Variants in TXNDC11 observed in about 807,000 individuals in gnomAD.
TXNDC11 encodes the protein thioredoxin domain-containing protein 11.
TXNDC11 carries 68 observed loss-of-function variants against 78.0 expected under a neutral mutation model. That is an observed-to-expected ratio of 0.87 (90% CI 0.72 to 1.07). The LOEUF (loss-of-function observed/expected upper bound fraction) is 1.07, where lower values mean the gene tolerates loss of function less well. Ranked by LOEUF, TXNDC11 falls within the 50% of genes least tolerant of loss-of-function variation. The pLI, the probability that TXNDC11 is intolerant of heterozygous loss-of-function variation, is 0.00. For synonymous variants in TXNDC11, 571 were observed against 495.2 expected (o/e 1.15, Z -2.03); for missense variants, 1,389 against 1,221.8 (o/e 1.14, Z -2.04).
rs571539355 is a variant in TXNDC11, at chr16:11,733,471, G to A, written c.569+511C>T. 1.1e-3 allele frequency among the ~76,000 whole-genome samples: 173 copies of A among 151,816 alleles called. 1 individual carries two copies. The highest frequency in any genetic ancestry group is 4.0e-3 in the African/African-American group (167 of 41,392). On this transcript the variant is annotated intron_variant, in intron 3 of 11. Transcript: ENST00000283033. The stretch of plus-strand genomic sequence containing the variant: ...GAATCCGGGAGGCCGAGCTTGCAGT[G>A]AGCGGAGATCGCGCCACTGCACTCC...
chr16:11,703,686 G>T (rs2051098526), intron 5 of TXNDC11: 1 of 702,584 alleles, frequency 1.4e-6, no homozygotes, highest in South Asian at 1.5e-5. Context: ...CGTAGATCTT[G>T]GTTTCTAAAT....
intron 10 of TXNDC11, among the ~76,000 whole-genome samples, chr16:11,685,002 C>A (rs750603728): frequency 7.9e-5 from 12 of 152,216 alleles, no homozygotes; most frequent in Non-Finnish European, 1.6e-4. Context: ...GAAAGCATAA[C>A]TGGGGGGAGT....
At chr16:11,701,563 T>C (rs189591123) in intron 5 of TXNDC11, among the ~76,000 whole-genome samples, 5 of 152,206 alleles carry the variant, frequency 3.3e-5, no homozygotes, top group Admixed American at 6.5e-5. Flanking sequence ...AATGAACAAA[T>C]CTAGCATATA....
intron 6 of TXNDC11, 101 bp from the exon 7 acceptor site, chr16:11,698,426 A>C: frequency 9.6e-7 from 1 of 1,036,526 alleles, no homozygotes; most frequent in Non-Finnish European, 1.5e-6. Flanking sequence ...AGGGTGAGAA[A>C]ACCCAGGCGT....
intron 5 of TXNDC11, among the ~76,000 whole-genome samples, chr16:11,717,924 C>T (rs1380041905): frequency 6.6e-6 from 1 of 151,436 alleles, no homozygotes; most frequent in Non-Finnish European, 1.5e-5. Flanking sequence ...GACAGATCAG[C>T]ACTGAGGCCG....
chr16:11,737,987 A>G (rs541734889), intron 1 of TXNDC11, among the ~76,000 whole-genome samples: 2 of 152,350 alleles, frequency 1.3e-5, no homozygotes, highest in African/African-American at 4.8e-5. Flanking sequence ...TAAAGGCATA[A>G]GGATGGGAAA....
Position 11,688,284 on chromosome 16 carries a change from G to A in TXNDC11, c.2043+19C>T. 1 of 1,606,486 alleles carries A rather than the reference G, an allele frequency of 6.2e-7. No homozygotes were observed. Among genetic ancestry groups the A allele is most frequent in the Non-Finnish European group, 8.5e-7 (1 of 1,176,850 alleles). On this transcript the variant is annotated intron_variant, in intron 9 of 11. Transcript: ENST00000283033. ...AAGAGGGACAGATGGCTTAACTTTT[G>A]CCTCTCATGACTCCATACCTGTTTT...
chr16:11,685,304 T>C (rs28469520), intron 10 of TXNDC11, among the ~76,000 whole-genome samples: 4,498 of 152,070 alleles, frequency 0.03, 222 homozygotes, highest in African/African-American at 0.1. Flanking sequence ...TGAGCTGTGA[T>C]TGCACCACTG....
At chr16:11,742,405 C>T in intron 1 of TXNDC11, 72 bp downstream of exon 1, 1 of 1,223,674 alleles carries the variant, frequency 8.2e-7, no homozygotes, top group Non-Finnish European at 1.1e-6. Context: ...CGCTGCGACC[C>T]GGCCCTGCAG....
chr16:11,736,300 T>G, intron 1 of TXNDC11, 67 bp from the exon 2 acceptor site: 1 of 1,287,682 alleles, frequency 7.8e-7, no homozygotes, highest in Non-Finnish European at 1.1e-6. Flanking sequence ...TCTGTGGAAG[T>G]AGAATGAAGC....
intron 1 of TXNDC11, among the ~76,000 whole-genome samples, chr16:11,740,144 GATA>G (rs1200521331): frequency 1.5e-4 from 17 of 112,552 alleles, no homozygotes; most frequent in African/African-American, 5.8e-4. Context: ...AGTGAGCCAA[GATA>G]AAAAAAAAAA....
intron 1 of TXNDC11, among the ~76,000 whole-genome samples, chr16:11,736,859 T>G (rs927156995): frequency 2.0e-5 from 3 of 152,100 alleles, no homozygotes; most frequent in Non-Finnish European, 4.4e-5. Context: ...TTTTGAACAC[T>G]TGAGCTTCCC....
intron 5 of TXNDC11, among the ~76,000 whole-genome samples, chr16:11,714,508 C>T (rs1397474868): frequency 6.6e-6 from 1 of 152,040 alleles, no homozygotes; most frequent in African/African-American, 2.4e-5. Context: ...GGCGTGGTGG[C>T]GGGCGCCTGT....
intron 3 of TXNDC11, among the ~76,000 whole-genome samples, chr16:11,733,631 T>C (rs1261837603): frequency 6.6e-6 from 1 of 152,256 alleles, no homozygotes; most frequent in Non-Finnish European, 1.5e-5. Context: ...TGCCTCCAGA[T>C]GAAACGATAA....
chr16:11,705,683 T>G (rs187304732), intron 5 of TXNDC11, among the ~76,000 whole-genome samples: 7 of 152,354 alleles, frequency 4.6e-5, no homozygotes, highest in African/African-American at 9.6e-5. Flanking sequence ...AATTCTAACA[T>G]GCTCAAACAT....
At chr16:11,696,177 C>T (rs765490909) in intron 7 of TXNDC11, among the ~76,000 whole-genome samples, 5 of 152,156 alleles carry the variant, frequency 3.3e-5, no homozygotes, top group Non-Finnish European at 7.4e-5. Flanking sequence ...GGCCTCCTTC[C>T]TAACACCTAA....
chr16:11,691,220 T>C (rs2050703974), intron 8 of TXNDC11, 70 bp downstream of exon 8: 12 of 1,279,814 alleles, frequency 9.4e-6, no homozygotes, highest in Non-Finnish European at 1.2e-5. Flanking sequence ...ATGAGAGCCA[T>C]CAATAAAATT....
chr16:11,736,112 C>A lies in TXNDC11; in HGVS notation c.376G>T (p.Glu126Ter). 6.2e-7 allele frequency: 1 copy of A among 1,614,222 alleles called. No homozygotes were observed. The highest frequency in any genetic ancestry group is 1.1e-5 in the South Asian group (1 of 91,092). Residue 126 changes from glutamate (E) to a stop codon, truncating the protein, a stop_gained, in exon 2 of 12, where the codon GAG becomes TAG. Coordinates refer to ENST00000283033, the MANE Select transcript of TXNDC11 (RefSeq NM_015914.7). LOFTEE classifies it high-confidence loss of function. The stretch of plus-strand genomic sequence containing the variant: ...GCATAGAAGAAGAGCAGTACCACCT[C>A]TGAATCCCGTCGAACGTACTCTGCA... The part of the protein sequence containing the change: ...DYAEYVRRDS[E>*]VVLLFFYAPW...
chr16:11,700,698 G>A (rs2141031983), intron 5 of TXNDC11, 134 bp from the exon 6 acceptor site: 1 of 580,440 alleles, frequency 1.7e-6, no homozygotes, highest in Non-Finnish European at 3.1e-6. Context: ...GAGAGGGAAG[G>A]AAGAGGCGCT....
Sources: allele counts gnomAD v4.1 joint callset (sites outside exome capture counted in the v4.1 genomes callset), GRCh38; gene constraint gnomAD v4.1.1; transcripts MANE v1.5; gene names NCBI Gene and HGNC (gene_info 2026-07-23, HGNC 2026-07-21).